Variants in FHOD3 observed in about 807,000 individuals in gnomAD.
FHOD3 encodes the protein formin homology 2 domain containing 3.
Under a neutral mutation model 173.0 loss-of-function variants are expected in FHOD3, and 90 were observed. The observed-to-expected ratio is 0.52, with a 90% CI of 0.44 to 0.62. The LOEUF (loss-of-function observed/expected upper bound fraction) is 0.62, where lower values mean the gene tolerates loss of function less well. FHOD3 is among the 20% of genes least tolerant of loss of function. The probability of loss-of-function intolerance (pLI) is 0.00; values close to 1 mark genes in which losing one functional copy is unlikely to be tolerated. For synonymous variants in FHOD3, 828 were observed against 823.0 expected (o/e 1.01, Z -0.10); for missense variants, 1,945 against 2,034.7 (o/e 0.96, Z 0.85).
At chr18:36,470,515 A>C (rs1026094502) in intron 3 of FHOD3, among the ~76,000 whole-genome samples, 6 of 152,194 alleles carry the variant, frequency 3.9e-5, no homozygotes, top group Non-Finnish European at 8.8e-5. Flanking sequence ...AGTTCTCCCT[A>C]ATAGGACTTT....
intron 1 of FHOD3, among the ~76,000 whole-genome samples, chr18:36,298,724 G>A (rs1453721536): frequency 6.6e-6 from 1 of 151,992 alleles, no homozygotes; most frequent in Non-Finnish European, 1.5e-5. Context: ...AGTGTCCCCT[G>A]GGAAGAATGG....
chr18:36,423,720 GC>G (rs368256432), intron 3 of FHOD3, among the ~76,000 whole-genome samples: 4 of 152,304 alleles, frequency 2.6e-5, no homozygotes, highest in African/African-American at 9.6e-5. Flanking sequence ...AGAAATGATT[GC>G]AGGCTCTTAC....
At chr18:36,382,870 C>G (rs2146309567) in intron 3 of FHOD3, among the ~76,000 whole-genome samples, 1 of 152,316 alleles carries the variant, frequency 6.6e-6, no homozygotes, top group East Asian at 1.9e-4. Flanking sequence ...TCATTTCTAG[C>G]TTTGATGTTT....
At chr18:36,330,860 G>A (rs1381303137) in intron 1 of FHOD3, among the ~76,000 whole-genome samples, 1 of 152,044 alleles carries the variant, frequency 6.6e-6, no homozygotes, top group Non-Finnish European at 1.5e-5. Context: ...GTGAGTGAGT[G>A]AGTGAGTGAG....
chr18:36,545,954 T>A (rs1273517206), intron 5 of FHOD3, among the ~76,000 whole-genome samples: 3 of 152,260 alleles, frequency 2.0e-5, no homozygotes, highest in Non-Finnish European at 4.4e-5. Flanking sequence ...AGGAGTTACC[T>A]TGGAAACTTC....
intron 1 of FHOD3, among the ~76,000 whole-genome samples, chr18:36,320,250 G>A (rs937206710): frequency 2.0e-5 from 3 of 152,124 alleles, no homozygotes; most frequent in African/African-American, 7.2e-5. Flanking sequence ...GACTAATAAA[G>A]AAGAAAAGAG....
intron 19 of FHOD3, among the ~76,000 whole-genome samples, chr18:36,723,543 T>A (rs985680861): frequency 6.6e-6 from 1 of 152,214 alleles, no homozygotes; most frequent in African/African-American, 2.4e-5. Context: ...GTTTTGAAAA[T>A]ATCCTGTGGC....
chr18:36,462,371 G>A (rs2144761931), intron 3 of FHOD3, among the ~76,000 whole-genome samples: 1 of 152,166 alleles, frequency 6.6e-6, no homozygotes, highest in South Asian at 2.1e-4. Flanking sequence ...TCGCTCTGTT[G>A]CCCAGGCTGG....
intron 20 of FHOD3, among the ~76,000 whole-genome samples, chr18:36,731,445 T>G (rs1345979331): frequency 1.3e-5 from 2 of 152,150 alleles, no homozygotes; most frequent in Non-Finnish European, 2.9e-5. Context: ...AATCTCTTAT[T>G]ATAATAATGA....
At chr18:36,548,991 A>G (rs1028844427) in intron 5 of FHOD3, among the ~76,000 whole-genome samples, 1 of 152,246 alleles carries the variant, frequency 6.6e-6, no homozygotes, top group Non-Finnish European at 1.5e-5. Flanking sequence ...GCTTTAAAAA[A>G]TACTTCCAAA....
intron 17 of FHOD3, among the ~76,000 whole-genome samples, chr18:36,708,659 T>G (rs912797109): frequency 6.6e-6 from 1 of 152,170 alleles, no homozygotes; most frequent in Non-Finnish European, 1.5e-5. Context: ...ATCCAGTTCC[T>G]TGTGCCCACA....
chr18:36,358,498 A>G (rs1050322352), intron 2 of FHOD3, among the ~76,000 whole-genome samples: 1 of 152,124 alleles, frequency 6.6e-6, no homozygotes, highest in Non-Finnish European at 1.5e-5. Context: ...TCACTTGGCC[A>G]TGAGTCCATC....
At chr18:36,591,535 G>A (rs764955993) in intron 6 of FHOD3, among the ~76,000 whole-genome samples, 4 of 152,114 alleles carry the variant, frequency 2.6e-5, no homozygotes, top group African/African-American at 7.2e-5. Flanking sequence ...AAGCCTCTTC[G>A]CTGCTGTGAA....
intron 15 of FHOD3, among the ~76,000 whole-genome samples, chr18:36,685,637 G>A (rs1201102330): frequency 6.6e-6 from 1 of 152,112 alleles, no homozygotes; most frequent in African/African-American, 2.4e-5. Context: ...AGTCCTTGTT[G>A]CATTTTTCTC....
chr18:36,300,623 C>CGA (rs1243940500), intron 1 of FHOD3, among the ~76,000 whole-genome samples: 1 of 152,124 alleles, frequency 6.6e-6, no homozygotes, highest in Admixed American at 6.5e-5. Flanking sequence ...TTCTGTGCAG[C>CGA]GAGCGCATTC....
chr18:36,670,716 T>C (rs1193959664), intron 14 of FHOD3, among the ~76,000 whole-genome samples: 1 of 152,232 alleles, frequency 6.6e-6, no homozygotes, highest in Non-Finnish European at 1.5e-5. Context: ...TTGTACTTCT[T>C]TGCATGCTTG....
intron 5 of FHOD3, among the ~76,000 whole-genome samples, chr18:36,546,462 A>C (rs2057413168): frequency 6.6e-6 from 1 of 152,170 alleles, no homozygotes; most frequent in Non-Finnish European, 1.5e-5. Context: ...CTTTAGTGTA[A>C]TCAACAGAAA....
chr18:36,764,477 T>C (rs2043054884), intron 27 of FHOD3, among the ~76,000 whole-genome samples: 1 of 151,874 alleles, frequency 6.6e-6, no homozygotes, highest in Admixed American at 6.6e-5. Flanking sequence ...TGAACATTAA[T>C]GCCTGCACCA....
chr18:36,510,687 T>C (rs2055583108), intron 4 of FHOD3, among the ~76,000 whole-genome samples: 1 of 152,240 alleles, frequency 6.6e-6, no homozygotes, highest in African/African-American at 2.4e-5. Context: ...TTTTCACATA[T>C]GCTGGTGGAA....
Sources: allele counts gnomAD v4.1 joint callset (sites outside exome capture counted in the v4.1 genomes callset), GRCh38; gene constraint gnomAD v4.1.1; transcripts MANE v1.5; gene names NCBI Gene and HGNC (gene_info 2026-07-23, HGNC 2026-07-21).